The following PCSK5 variants were observed in gnomAD, a reference collection of about 807,000 sequenced individuals.
PCSK5 encodes prohormone convertase 5.
PCSK5 carries 129 observed loss-of-function variants against 233.2 expected under a neutral mutation model. The observed-to-expected ratio is 0.55, with a 90% confidence interval of 0.48 to 0.64. The LOEUF (loss-of-function observed/expected upper bound fraction) is 0.64. Among genes scored for constraint, PCSK5 ranks in the 30% least tolerant of loss-of-function variants. The pLI is 0.00. For missense variants in PCSK5, 2,076 were observed against 2,430.1 expected (o/e 0.85, Z 3.06); for synonymous variants, 825 against 879.2 (o/e 0.94, Z 1.09).
rs1050155356 is a variant in PCSK5 at position 76,359,987 on chromosome 9, T to C, written c.*1065T>C. 6.6e-6 allele frequency: 1 copy of C among 152,170 alleles called. No homozygotes were observed. The highest frequency in any genetic ancestry group is 1.9e-4 in the East Asian group (1 of 5,204). 9.4% of individuals were successfully genotyped at this position (152,170 alleles called of 1,614,324 possible). A position where few individuals can be genotyped will look rare whatever the true frequency, so the allele number is the denominator to read the frequency against. On this transcript the variant is annotated 3_prime_UTR_variant, in exon 38 of 38. Transcript: ENST00000674117. ...CTATGATTTTTGTTTCTAGACTTCC[T>C]AGGCTTCCTTTTTTCCATTCTTCTG...
intron 7 of PCSK5, among the ~76,000 whole-genome samples, chr9:76,094,676 C>T (rs1564022639): frequency 6.6e-6 from 1 of 152,036 alleles, no homozygotes; most frequent in Non-Finnish European, 1.5e-5. Context: ...GACCTCGGCT[C>T]ATTGCAAACT....
intron 3 of PCSK5, 113 bp from the exon 4 acceptor site, chr9:76,023,625 T>C: frequency 1.0e-6 from 1 of 977,688 alleles, no homozygotes; most frequent in South Asian, 1.7e-5. Context: ...ATCACACTAC[T>C]ACACTCCAGC....
chr9:76,061,093 G>A (rs570782398), intron 5 of PCSK5, among the ~76,000 whole-genome samples: 46 of 152,134 alleles, frequency 3.0e-4, no homozygotes, highest in African/African-American at 1.1e-3. Flanking sequence ...TGTTTCATTA[G>A]AAAGATTACT....
chr9:76,067,241 C>T (rs915906730), intron 5 of PCSK5, among the ~76,000 whole-genome samples: 2 of 152,078 alleles, frequency 1.3e-5, no homozygotes, highest in Admixed American at 1.3e-4. Context: ...ACAGAGAATG[C>T]TTTTTCTGTA....
chr9:76,143,418 G>T (rs1463199725), intron 10 of PCSK5, among the ~76,000 whole-genome samples: 1 of 152,170 alleles, frequency 6.6e-6, no homozygotes, highest in Non-Finnish European at 1.5e-5. Flanking sequence ...TGAGCTAGAT[G>T]ATAGTAATGA....
intron 21 of PCSK5, among the ~76,000 whole-genome samples, chr9:76,233,009 C>T (rs531951967): frequency 2.6e-5 from 4 of 152,216 alleles, no homozygotes; most frequent in Admixed American, 2.0e-4. Context: ...TTGTTTCACT[C>T]GTCAAGAGCC....
rs1828305182 is a variant in PCSK5 at position 76,292,367 on chromosome 9, C to T, written c.3185+92C>T. The T allele has an allele frequency of 3.2e-5, 26 of 819,388 alleles. No individual in the cohort carries two copies. In the South Asian group the frequency reaches 3.6e-4, roughly 11 times the overall value. 50.8% of individuals were successfully genotyped at this position (819,388 alleles called of 1,614,324 possible). ...CAATCCAGCGATTAAAGCAAAGTGGCCCTGCAGCCCGAAGCAACTCTGTCC... is the reference window on the plus strand; with the variant it reads ...CAATCCAGCGATTAAAGCAAAGTGGTCCTGCAGCCCGAAGCAACTCTGTCC... On this transcript the variant is annotated intron_variant, in intron 25 of 37. Coordinates refer to ENST00000674117, the MANE Select transcript of PCSK5 (RefSeq NM_001372043.1).
intron 9 of PCSK5, among the ~76,000 whole-genome samples, chr9:76,112,416 AAACT>A (rs1832259110): frequency 6.6e-6 from 1 of 152,208 alleles, no homozygotes; most frequent in Non-Finnish European, 1.5e-5. Context: ...AAAATAAATT[AAACT>A]AACAGCTGCT....
At chr9:76,204,682 T>C (rs538649104) in intron 20 of PCSK5, among the ~76,000 whole-genome samples, 39 of 152,280 alleles carry the variant, frequency 2.6e-4, no homozygotes, top group African/African-American at 9.4e-4. Flanking sequence ...AGGAGTGCAT[T>C]TGCTTTTTCT....
upstream of PCSK5, chr9:75,890,605 T>A (rs139372070): frequency 8.7e-3 from 1,324 of 152,288 alleles, 11 homozygotes; most frequent in Non-Finnish European, 0.013. Flanking sequence ...AGGAGGGCGA[T>A]GTGGGAAAGG....
chr9:76,148,863 T>A (rs1450855177), intron 10 of PCSK5, among the ~76,000 whole-genome samples: 3 of 152,212 alleles, frequency 2.0e-5, no homozygotes, highest in African/African-American at 7.2e-5. Flanking sequence ...ATCAATTCAA[T>A]TATGTCATTT....
chr9:76,155,150 A>G (rs1823835002), intron 10 of PCSK5, among the ~76,000 whole-genome samples: 1 of 152,176 alleles, frequency 6.6e-6, no homozygotes, highest in Non-Finnish European at 1.5e-5. Context: ...TTTTTATTTA[A>G]TATGTCCTAT....
chr9:76,006,681 A>G (rs1827491160), intron 3 of PCSK5, among the ~76,000 whole-genome samples: 1 of 152,196 alleles, frequency 6.6e-6, no homozygotes, highest in South Asian at 2.1e-4. Flanking sequence ...TTGCAAATAA[A>G]TATGTTTCAT....
chr9:75,961,155 C>G (rs1219758622), intron 2 of PCSK5, among the ~76,000 whole-genome samples: 4 of 152,202 alleles, frequency 2.6e-5, no homozygotes, highest in African/African-American at 9.7e-5. Context: ...TGAGCTGAAC[C>G]TGAAGTCCAG....
At chr9:76,274,139 A>T (rs1433185287) in intron 24 of PCSK5, among the ~76,000 whole-genome samples, 1 of 151,592 alleles carries the variant, frequency 6.6e-6, no homozygotes. Context: ...TATTGCCTCT[A>T]TGGGTTGAAG....
intron 3 of PCSK5, among the ~76,000 whole-genome samples, chr9:76,011,228 A>G (rs993087819): frequency 3.3e-5 from 5 of 152,176 alleles, no homozygotes; most frequent in Admixed American, 3.3e-4. Flanking sequence ...CGAAGAGGCA[A>G]TCTTCTCTGT....
At chr9:76,136,248 T>A (rs1171511140) in intron 10 of PCSK5, among the ~76,000 whole-genome samples, 1 of 151,940 alleles carries the variant, frequency 6.6e-6, no homozygotes, top group Admixed American at 6.6e-5. Flanking sequence ...AGTTATTCTC[T>A]ACTCTAAACG....
intron 5 of PCSK5, among the ~76,000 whole-genome samples, chr9:76,065,611 A>G (rs765201704): frequency 6.6e-6 from 1 of 151,564 alleles, no homozygotes; most frequent in Middle Eastern, 3.2e-3. Context: ...TTATCTTTTC[A>G]CTCTGTTAAT....
intron 35 of PCSK5, among the ~76,000 whole-genome samples, chr9:76,348,423 A>T (rs1200090455): frequency 6.6e-6 from 1 of 151,496 alleles, no homozygotes; most frequent in Non-Finnish European, 1.5e-5. Flanking sequence ...AACAAAACTA[A>T]AGAATATATA....
Sources: allele counts gnomAD v4.1 joint callset (sites outside exome capture counted in the v4.1 genomes callset), GRCh38; gene constraint gnomAD v4.1.1; transcripts MANE v1.5; gene names NCBI Gene and HGNC (gene_info 2026-07-23, HGNC 2026-07-21).